HUWE1: variants seen among roughly 807,000 people sequenced by gnomAD.
HUWE1 encodes the protein HECT, UBA and WWE domain containing E3 ubiquitin protein ligase 1, also known as E3 ubiquitin-protein ligase HUWE1.
A neutral mutation model predicts 299.4 loss-of-function variants in HUWE1; 18 were observed. The observed-to-expected ratio is 0.06, with a 90% CI of 0.04 to 0.09. The LOEUF (loss-of-function observed/expected upper bound fraction) is 0.09, where lower values mean the gene tolerates loss of function less well. Ranked by LOEUF, HUWE1 falls within the 10% of genes least tolerant of loss-of-function variation. The pLI is 1.00. For synonymous variants in HUWE1, 1,317 were observed against 1,286.1 expected (o/e 1.02, Z -0.51); for missense variants, 1,832 against 3,462.3 (o/e 0.53, Z 11.82).
intron 3 of HUWE1, among the ~76,000 whole-genome samples, chrX:53,678,536 G>A (rs1248939025): frequency 9.8e-5 from 11 of 111,713 alleles, no homozygotes; most frequent in African/African-American, 3.6e-4. Context: ...TTATGCTAAG[G>A]AAACATAAAT....
In HUWE1 at chrX:53,591,633, T is replaced by TA. The variant is rs782348973; in HGVS notation, c.3973-512dup. On this transcript the variant is annotated intron_variant, in intron 33 of 83. Coordinates refer to ENST00000262854, the MANE Select transcript of HUWE1 (RefSeq NM_031407.7). ...CAACAATAAAAGAATGACCAATTAGTAAAAAAAAGTTCTTGATAACAGCAA... is the reference window on the plus strand; with the variant it reads ...CAACAATAAAAGAATGACCAATTAGTAAAAAAAAAGTTCTTGATAACAGCAA... Among the ~76,000 whole-genome samples, 17 of 111,531 alleles carry TA rather than the reference T, an allele frequency of 1.5e-4. No homozygotes were observed. The East Asian group carries it at 3.9e-3, about 26-fold the overall frequency.
At position 53,575,631 on chromosome X, in the gene HUWE1, G is replaced by A; in HGVS notation, c.6030+12C>T. 8.3e-7 allele frequency: 1 copy of A among 1,207,882 alleles called. No individual in the cohort carries two copies. The highest frequency in any genetic ancestry group is 1.1e-6 in the Non-Finnish European group (1 of 892,050). ...TGAGAAGAAAGATAAAACGCTGTTG[G>A]AATTGACTTACATTAATGGAAAAAC... On this transcript the variant is annotated intron_variant, in intron 45 of 83. Transcript: ENST00000262854.
rs373064444 is a variant in HUWE1, at chrX:53,533,375, A to G, written c.13059T>C (p.Phe4353=). ...NQLDLPAYES[F]EKLRHMLLLA... ...ACAGTAGCATGTGGCGGAGCTTCTC[A>G]AAGCTCTCATAGGCAGGCAGATCCA... The change falls in exon 84 of 84, where the codon TTT becomes TTC. Residue 4353 remains phenylalanine, a synonymous_variant. Transcript: ENST00000262854. The G allele has an allele frequency of 3.2e-5, 38 of 1,203,886 alleles. No homozygotes were observed. Among genetic ancestry groups the G allele is most frequent in the Admixed American group, 6.6e-5 (3 of 45,593 alleles).
intron 19 of HUWE1, among the ~76,000 whole-genome samples, chrX:53,617,884 T>C (rs1336428396): frequency 8.9e-6 from 1 of 112,124 alleles, no homozygotes; most frequent in African/African-American, 3.2e-5. Flanking sequence ...AAAAAAAATC[T>C]ATGATGTGGG....
chrX:53,618,435 A>C (rs1165652497), intron 19 of HUWE1, among the ~76,000 whole-genome samples: 7 of 111,747 alleles, frequency 6.3e-5, no homozygotes, highest in Non-Finnish European at 1.3e-4. Flanking sequence ...AAGGAGATTT[A>C]ACTAGATACA....
intron 19 of HUWE1, among the ~76,000 whole-genome samples, chrX:53,619,933 C>T (rs1027818594): frequency 4.5e-5 from 5 of 112,106 alleles, no homozygotes; most frequent in African/African-American, 9.7e-5. Context: ...TGTGCCCTGT[C>T]GTGCCATCGG....
chrX:53,576,925 C>T lies in HUWE1; in HGVS notation c.5859G>A (p.Leu1953=), dbSNP rs1569460522. Reference sequence around the variant, plus strand: ...CTTCCTCTGGAGCATGGTATGCAGCCAGAGCATTCAGCATATCATAGATCA... The same window carrying T: ...CTTCCTCTGGAGCATGGTATGCAGCTAGAGCATTCAGCATATCATAGATCA... The part of the protein sequence containing the change: ...KEVIYDMLNA[L]AAYHAPEEAD... The change falls in exon 44 of 84, where the codon CTG becomes CTA. Residue 1953 remains leucine, a synonymous_variant. Transcript: ENST00000262854. The T allele has an allele frequency of 8.3e-7, 1 of 1,210,395 alleles. No individual in the cohort carries two copies. The highest frequency in any genetic ancestry group is 1.1e-6 in the Non-Finnish European group (1 of 894,505).
chrX:53,592,369 G>C, intron 33 of HUWE1, 29 bp downstream of exon 33: 1 of 1,089,800 alleles, frequency 9.2e-7, no homozygotes, highest in Non-Finnish European at 1.3e-6. Context: ...GCAAAGTCTG[G>C]ACCCTGGAGT....
rs1424499446 is a variant in HUWE1 at position 53,600,249 on chromosome X, C to T, written c.3032G>A (p.Gly1011Asp). The stretch of plus-strand genomic sequence containing the variant: ...CAATGTGTCACCATCTAGCCCAATG[C>T]CTTCTAATAAGCCCTGGGTAGAAGC... ...MDASTQGLLE[G>D]IGLDGDTLAP... Residue 1011 changes from glycine (G) to aspartate (D), a missense_variant, in exon 29 of 84, where the codon GGC (glycine) becomes GAC (aspartate). Physicochemically the swap from Gly to Asp is moderately conservative, Grantham distance 94. Coordinates refer to ENST00000262854, the MANE Select transcript of HUWE1 (RefSeq NM_031407.7). The T allele has an allele frequency of 8.3e-7, 1 of 1,208,091 alleles. No homozygotes were observed. The highest frequency in any genetic ancestry group is 1.1e-6 in the Non-Finnish European group (1 of 893,590).
chrX:53,577,185 T>C, intron 43 of HUWE1, 118 bp from the exon 44 acceptor site: 2 of 556,415 alleles, frequency 3.6e-6, no homozygotes. Flanking sequence ...AGGAGACCAT[T>C]TTCAATTAAT....
intron 6 of HUWE1, among the ~76,000 whole-genome samples, chrX:53,646,291 A>G (rs2068040582): frequency 1.8e-5 from 2 of 109,853 alleles, no homozygotes; most frequent in African/African-American, 3.3e-5. Flanking sequence ...CCGAGTAGCT[A>G]GGACTACAGG....
At chrX:53,578,857 G>T (rs1556963021) in intron 43 of HUWE1, among the ~76,000 whole-genome samples, 1 of 79,060 alleles carries the variant, frequency 1.3e-5, no homozygotes, top group Non-Finnish European at 2.5e-5. Flanking sequence ...AGGGAGGTGG[G>T]GGGTCAGCCC....
intron 32 of HUWE1, 64 bp downstream of exon 32, chrX:53,593,299 CA>C (rs1274922247): frequency 4.3e-5 from 35 of 816,794 alleles, no homozygotes; most frequent in Non-Finnish European, 6.5e-5. Flanking sequence ...TTAAGCAGGA[CA>C]AAATAGAGTG....
At chrX:53,602,285 CA>C (rs1405970710) in intron 28 of HUWE1, among the ~76,000 whole-genome samples, 2 of 108,070 alleles carry the variant, frequency 1.9e-5, no homozygotes, top group Non-Finnish European at 3.8e-5. Context: ...TTATCTAAGA[CA>C]CTGGCAAATG....
chrX:53,659,937 A>G (rs2068918687), intron 3 of HUWE1, among the ~76,000 whole-genome samples: 1 of 112,447 alleles, frequency 8.9e-6, no homozygotes, highest in South Asian at 3.7e-4. Context: ...AATCACAACC[A>G]TTTTACTTTT....
intron 37 of HUWE1, among the ~76,000 whole-genome samples, chrX:53,587,474 A>G (rs2148373192): frequency 8.9e-6 from 1 of 112,414 alleles, no homozygotes; most frequent in Non-Finnish European, 1.9e-5. Context: ...TAGTCATAAT[A>G]CTTAACAAAA....
intron 37 of HUWE1, among the ~76,000 whole-genome samples, chrX:53,587,329 C>T (rs965131693): frequency 8.9e-6 from 1 of 111,825 alleles, no homozygotes; most frequent in Non-Finnish European, 1.9e-5. Context: ...GTTAATGGTT[C>T]GTCTTACTGG....
At chrX:53,596,154 A>C (rs182788947) in intron 29 of HUWE1, among the ~76,000 whole-genome samples, 5 of 112,216 alleles carry the variant, frequency 4.5e-5, no homozygotes, top group Non-Finnish European at 9.4e-5. Flanking sequence ...ACGTTATTTC[A>C]TGATCCAGAG....
At chrX:53,671,880 A>C in intron 3 of HUWE1, among the ~76,000 whole-genome samples, 1 of 110,987 alleles carries the variant, frequency 9.0e-6, no homozygotes, top group African/African-American at 3.3e-5. Context: ...AGCAAATTTA[A>C]CAATACCATT....
Sources: allele counts gnomAD v4.1 joint callset (sites outside exome capture counted in the v4.1 genomes callset), GRCh38; gene constraint gnomAD v4.1.1; transcripts MANE v1.5; gene names NCBI Gene and HGNC (gene_info 2026-07-23, HGNC 2026-07-21).